LRRC69: variants seen among roughly 807,000 people sequenced by gnomAD.
LRRC69 encodes the protein leucine rich repeat containing 69.
Under a neutral mutation model 37.8 loss-of-function variants are expected in LRRC69, and 42 were observed. The observed-to-expected ratio is 1.11, with a 90% CI of 0.87 to 1.44. The LOEUF (loss-of-function observed/expected upper bound fraction) is 1.44, where lower values mean the gene tolerates loss of function less well. LRRC69 is among the 40% of genes most tolerant of loss of function. The probability of loss-of-function intolerance (pLI) is 0.00; values close to 1 mark genes in which losing one functional copy is unlikely to be tolerated. For synonymous variants in LRRC69, 141 were observed against 143.1 expected (o/e 0.99, Z 0.11); for missense variants, 357 against 401.9 (o/e 0.89, Z 0.96).
intron 5 of LRRC69, among the ~76,000 whole-genome samples, chr8:91,176,683 G>A (rs1405578831): frequency 1.3e-5 from 2 of 152,192 alleles, no homozygotes; most frequent in African/African-American, 4.8e-5. Flanking sequence ...ATAAGCCTCA[G>A]TCCCAGTACA....
chr8:91,126,345 G>C (rs929030388), intron 2 of LRRC69, among the ~76,000 whole-genome samples: 1 of 151,970 alleles, frequency 6.6e-6, no homozygotes, highest in Non-Finnish European at 1.5e-5. Context: ...TGGCCCATGG[G>C]CTGAAGCTGG....
Position 91,102,822 on chromosome 8 carries a change from C to T in LRRC69, c.161C>T (p.Pro54Leu), listed in dbSNP as rs1437116421. Residue 54 changes from proline (P) to leucine (L), a missense_variant, in exon 1 of 8, where the codon CCA (proline) becomes CTA (leucine). By Grantham distance (98) the Pro-to-Leu change is moderately conservative. Coordinates refer to ENST00000448384, the Ensembl canonical transcript of LRRC69. ...AATAACCTAATCCCCAAAGTGTGTC[C>T]AGAGTTATGCAACTTGACCCAGGTG... 5.8e-6 allele frequency: 9 copies of T among 1,547,340 alleles called. No individual in the cohort carries two copies. The African/African-American group carries it at 1.1e-4, about 19-fold the overall frequency.
chr8:91,131,802 T>G (rs1256669046), intron 3 of LRRC69, among the ~76,000 whole-genome samples: 1 of 152,028 alleles, frequency 6.6e-6, no homozygotes, highest in African/African-American at 2.4e-5. Flanking sequence ...GACCATCTCT[T>G]TAATTTTGAA....
At chr8:91,184,712 T>G (rs887579159) in intron 5 of LRRC69, among the ~76,000 whole-genome samples, 1 of 152,170 alleles carries the variant, frequency 6.6e-6, no homozygotes, top group East Asian at 1.9e-4. Context: ...CTTACTCCAT[T>G]TTGTTGTGAT....
intron 6 of LRRC69, among the ~76,000 whole-genome samples, chr8:91,199,313 C>T (rs1373158310): frequency 3.3e-5 from 5 of 152,130 alleles, no homozygotes; most frequent in Non-Finnish European, 7.4e-5. Flanking sequence ...AGTCATGCAA[C>T]CACCCAGGAG....
chr8:91,179,279 G>T (rs78926460), intron 5 of LRRC69, among the ~76,000 whole-genome samples: 4,499 of 152,278 alleles, frequency 0.03, 241 homozygotes, highest in African/African-American at 0.1. Context: ...TTCAATTGTG[G>T]TGGAAAGCAA....
At position 91,177,425 on chromosome 8, in the gene LRRC69, CT is replaced by C. The variant is rs200218179; in HGVS notation, c.652-12094del. ...TCAATAGACTATTCATTCTATTTTA[CT>C]TTATTTGTATCAAATATGATAAGCA... On this transcript the variant is annotated intron_variant, in intron 5 of 7. Transcript: ENST00000448384. 1.3e-3 allele frequency among the ~76,000 whole-genome samples: 196 copies of C among 152,150 alleles called. 3 individuals are homozygous for C. In the East Asian group the frequency reaches 0.036, roughly 28 times the overall value.
At chr8:91,114,829 T>C (rs1281811258) in intron 1 of LRRC69, among the ~76,000 whole-genome samples, 4 of 152,008 alleles carry the variant, frequency 2.6e-5, no homozygotes, top group African/African-American at 9.7e-5. Context: ...CATAGTAAAG[T>C]GACACATGAC....
intron 5 of LRRC69, chr8:91,158,081 C>A: frequency 6.9e-7 from 1 of 1,458,282 alleles, no homozygotes. Context: ...AATACATGCC[C>A]ATGGGGTACA....
chr8:91,163,084 A>T (rs1412413771), intron 5 of LRRC69, among the ~76,000 whole-genome samples: 1 of 150,898 alleles, frequency 6.6e-6, no homozygotes, highest in Non-Finnish European at 1.5e-5. Flanking sequence ...TTATATTCCC[A>T]TGGTTGTCTT....
chr8:91,161,687 G>A (rs1245675494), intron 5 of LRRC69, among the ~76,000 whole-genome samples: 1 of 150,720 alleles, frequency 6.6e-6, no homozygotes, highest in Non-Finnish European at 1.5e-5. Flanking sequence ...TCTCTTTTTA[G>A]TCTAATGCCA....
chr8:91,147,955 C>A (rs1373948674), intron 5 of LRRC69, among the ~76,000 whole-genome samples: 2 of 151,586 alleles, frequency 1.3e-5, no homozygotes, highest in Admixed American at 6.6e-5. Flanking sequence ...TGAGAACATG[C>A]GGTGTTTGGT....
chr8:91,118,132 A>C (rs545941777), intron 1 of LRRC69: 29 of 455,324 alleles, frequency 6.4e-5, no homozygotes, highest in Non-Finnish European at 1.1e-4. Context: ...TAAAAGTGCT[A>C]CCCATTACTG....
At chr8:91,181,105 A>G (rs142340078) in intron 5 of LRRC69, among the ~76,000 whole-genome samples, 1 of 152,180 alleles carries the variant, frequency 6.6e-6, no homozygotes, top group Non-Finnish European at 1.5e-5. Context: ...AGACATTTTT[A>G]TGGTGATTTA....
intron 6 of LRRC69, among the ~76,000 whole-genome samples, chr8:91,195,988 G>A (rs1233470466): frequency 3.9e-5 from 6 of 152,200 alleles, no homozygotes; most frequent in Non-Finnish European, 4.4e-5. Flanking sequence ...GGTACCAGTT[G>A]TTCCTTTCCA....
At chr8:91,127,216 C>A in intron 3 of LRRC69, 56 bp downstream of exon 3, 2 of 1,285,154 alleles carry the variant, frequency 1.6e-6, no homozygotes, top group Non-Finnish European at 2.2e-6. Context: ...TCTATCCCCA[C>A]CCTGGTCATT....
chr8:91,112,986 A>AT (rs1813435251), intron 1 of LRRC69, among the ~76,000 whole-genome samples: 1 of 152,028 alleles, frequency 6.6e-6, no homozygotes, highest in Non-Finnish European at 1.5e-5. Flanking sequence ...AGCAATAAAA[A>AT]TAATAAAGTA....
intron 5 of LRRC69, among the ~76,000 whole-genome samples, chr8:91,159,308 T>C (rs1298880135): frequency 6.6e-6 from 1 of 151,062 alleles, no homozygotes; most frequent in Non-Finnish European, 1.5e-5. Flanking sequence ...AAAAGCAGAG[T>C]TGAGATACAA....
chr8:91,189,758 T>C, intron 6 of LRRC69, 135 bp downstream of exon 6: 1 of 515,724 alleles, frequency 1.9e-6, no homozygotes, highest in Non-Finnish European at 3.4e-6. Flanking sequence ...ATGTGGATCC[T>C]ATACATAATC....
Sources: allele counts gnomAD v4.1 joint callset (sites outside exome capture counted in the v4.1 genomes callset), GRCh38; gene constraint gnomAD v4.1.1; transcripts MANE v1.5; gene names NCBI Gene and HGNC (gene_info 2026-07-23, HGNC 2026-07-21).